Variants in TENM4 observed in about 807,000 individuals in gnomAD.
The protein encoded by TENM4 is teneurin-4.
TENM4 carries 82 observed loss-of-function variants against 243.3 expected under a neutral mutation model. The observed-to-expected ratio is 0.34, with a 90% CI of 0.28 to 0.40. The LOEUF is 0.40. Among genes scored for constraint, TENM4 ranks in the 10% least tolerant of loss-of-function variants. TENM4 has a pLI of 1.00. For synonymous variants in TENM4, 1,412 were observed against 1,456.3 expected (o/e 0.97, Z 0.69); for missense variants, 3,138 against 3,673.3 (o/e 0.85, Z 3.77).
Position 79,420,661 on chromosome 11 carries a change from TG to T in TENM4, c.-321+19847del, listed in dbSNP as rs1858911910. 2.6e-5 allele frequency among the ~76,000 whole-genome samples: 4 copies of T among 152,250 alleles called. No individual in the cohort carries two copies. The South Asian group carries it at 8.3e-4, about 32-fold the overall frequency. On this transcript the variant is annotated intron_variant, in intron 1 of 33. Coordinates refer to ENST00000278550, the MANE Select transcript of TENM4 (RefSeq NM_001098816.3). ...TAATTTGGCATTTATCAAACTTATT[TG>T]GACACAAACCAGTTTTTTTTTGGGG...
At chr11:79,163,812 T>C (rs200227520) in intron 3 of TENM4, among the ~76,000 whole-genome samples, 6 of 122,756 alleles carry the variant, frequency 4.9e-5, no homozygotes, top group African/African-American at 8.9e-5. Flanking sequence ...TATATACACA[T>C]ATATATACAT....
At chr11:79,127,109 T>C (rs898704120) in intron 4 of TENM4, among the ~76,000 whole-genome samples, 2 of 152,194 alleles carry the variant, frequency 1.3e-5, no homozygotes, top group Non-Finnish European at 2.9e-5. Context: ...ATAATTGGCA[T>C]AGACAAACTT....
intron 4 of TENM4, among the ~76,000 whole-genome samples, 185 bp downstream of exon 4, chr11:79,148,525 G>A (rs562696726): frequency 6.6e-6 from 1 of 152,100 alleles, no homozygotes; most frequent in South Asian, 2.1e-4. Context: ...AAATCTTGCA[G>A]GGAAGGCAAG....
chr11:79,162,302 G>A (rs1862764925), intron 3 of TENM4, among the ~76,000 whole-genome samples: 1 of 152,044 alleles, frequency 6.6e-6, no homozygotes, highest in South Asian at 2.1e-4. Context: ...TCAGTGCCTT[G>A]GTTTCTTCAT....
chr11:79,185,642 G>C (rs1007208529), intron 3 of TENM4, among the ~76,000 whole-genome samples: 2 of 152,126 alleles, frequency 1.3e-5, no homozygotes, highest in African/African-American at 2.4e-5. Flanking sequence ...CTTTCACATT[G>C]CTTGGACCAC....
At chr11:79,196,033 A>C (rs1241102392) in intron 3 of TENM4, among the ~76,000 whole-genome samples, 1 of 152,094 alleles carries the variant, frequency 6.6e-6, no homozygotes, top group Non-Finnish European at 1.5e-5. Context: ...TGGGTTTATC[A>C]GGGGTTTCCA....
intron 2 of TENM4, among the ~76,000 whole-genome samples, chr11:79,286,988 A>T (rs1166806327): frequency 1.3e-5 from 2 of 152,218 alleles, no homozygotes; most frequent in Non-Finnish European, 2.9e-5. Flanking sequence ...TACATTCAGG[A>T]ACTTGTGTTG....
chr11:78,756,125 C>T (rs1432497075), intron 19 of TENM4: 1 of 152,594 alleles, frequency 6.6e-6, no homozygotes, highest in Non-Finnish European at 1.5e-5. Context: ...CTCTTTAAGA[C>T]TTGATTCTAA....
chr11:79,392,354 T>C (rs968134409), intron 1 of TENM4, among the ~76,000 whole-genome samples: 2 of 152,218 alleles, frequency 1.3e-5, no homozygotes, highest in African/African-American at 2.4e-5. Context: ...AGTTACTTCA[T>C]TGGCTAATTA....
chr11:79,019,084 C>A (rs1470833443), intron 6 of TENM4, among the ~76,000 whole-genome samples: 4 of 152,184 alleles, frequency 2.6e-5, no homozygotes, highest in Non-Finnish European at 5.9e-5. Flanking sequence ...AAAAAATACC[C>A]AGAGGCACTT....
At chr11:78,877,578 C>A (rs1010863156) in intron 9 of TENM4, among the ~76,000 whole-genome samples, 4 of 152,178 alleles carry the variant, frequency 2.6e-5, no homozygotes, top group Admixed American at 6.5e-5. Flanking sequence ...GTAAAAGGAG[C>A]ACCCAGAGAT....
At chr11:79,302,339 G>A (rs911726710) in intron 1 of TENM4, among the ~76,000 whole-genome samples, 2 of 152,086 alleles carry the variant, frequency 1.3e-5, no homozygotes. Flanking sequence ...TCTGGCTTGG[G>A]CAACCACAAG....
intron 18 of TENM4, among the ~76,000 whole-genome samples, chr11:78,760,224 C>T (rs1168296204): frequency 1.3e-5 from 2 of 152,162 alleles, no homozygotes; most frequent in Non-Finnish European, 2.9e-5. Context: ...CCAGGTCAGG[C>T]CTGTCCCACT....
chr11:79,139,957 G>T (rs1353319059), intron 4 of TENM4, among the ~76,000 whole-genome samples: 1 of 150,512 alleles, frequency 6.6e-6, no homozygotes, highest in Non-Finnish European at 1.5e-5. Context: ...CATTCCTTAT[G>T]TCCGCTTACA....
rs12418248 is a variant in TENM4, at chr11:79,175,971, G to A, written c.-162-27165C>T. 9.5e-3 allele frequency among the ~76,000 whole-genome samples: 1,438 copies of A among 152,078 alleles called. 41 individuals are homozygous for A. The East Asian group carries it at 0.1, about 11-fold the overall frequency. ...GGCACTAATGGTGGCACACACCTGT[G>A]GTCCCAGCTACTCGGGAGGAAGAGG... On this transcript the variant is annotated intron_variant, in intron 3 of 33. Coordinates refer to ENST00000278550, the MANE Select transcript of TENM4 (RefSeq NM_001098816.3).
rs1294894115 is a variant in TENM4, at chr11:79,139,040, T to C, written c.-66+9670A>G. Among the ~76,000 whole-genome samples, 3 of 34,816 alleles carry C rather than the reference T, an allele frequency of 8.6e-5. 1 individual carries two copies. Among genetic ancestry groups the C allele is most frequent in the Non-Finnish European group, 1.7e-4 (3 of 17,652 alleles). The allele number at this position is 34,816 out of a possible 152,430, so 22.8% of individuals were successfully genotyped here. On this transcript the variant is annotated intron_variant, in intron 4 of 33. Coordinates refer to ENST00000278550, the MANE Select transcript of TENM4 (RefSeq NM_001098816.3). The stretch of plus-strand genomic sequence containing the variant: ...TCTATAAATATATATTATATTTCTA[T>C]AAATATATAAAATATATATTATATT...
At chr11:79,029,365 G>A (rs1464005704) in intron 6 of TENM4, among the ~76,000 whole-genome samples, 2 of 152,106 alleles carry the variant, frequency 1.3e-5, no homozygotes, top group African/African-American at 4.8e-5. Flanking sequence ...TCTGGGAGCC[G>A]AATAACCAAT....
chr11:79,295,956 A>G (rs1385363119), intron 2 of TENM4, among the ~76,000 whole-genome samples: 1 of 147,702 alleles, frequency 6.8e-6, no homozygotes, highest in East Asian at 2.0e-4. Flanking sequence ...CATACCCCAC[A>G]CATTCACAGT....
chr11:79,269,765 A>G (rs1053218816), intron 2 of TENM4: 2 of 152,310 alleles, frequency 1.3e-5, no homozygotes, highest in Non-Finnish European at 2.9e-5. Context: ...GGCTGGGGAA[A>G]GAGACAATGG....
Sources: gnomAD v4.1 joint callset for allele counts (sites outside exome capture counted in the v4.1 genomes callset) on GRCh38, gnomAD v4.1.1 for gene constraint, MANE v1.5 for transcripts, NCBI Gene and HGNC (gene_info 2026-07-23, HGNC 2026-07-21) for gene names.